GPAT3: variants seen among roughly 807,000 people sequenced by gnomAD.
GPAT3 encodes glycerol-3-phosphate acyltransferase 3.
GPAT3 carries 53 observed loss-of-function variants against 58.8 expected under a neutral mutation model. That is an observed-to-expected ratio of 0.90 (90% confidence interval 0.72 to 1.13). The LOEUF (loss-of-function observed/expected upper bound fraction) is 1.13. Among genes scored for constraint, GPAT3 ranks in the 50% most tolerant of loss-of-function variants. The probability of loss-of-function intolerance (pLI) is 0.00; values close to 1 mark genes in which losing one functional copy is unlikely to be tolerated. For missense variants in GPAT3, 511 were observed against 527.6 expected (o/e 0.97, Z 0.31); for synonymous variants, 197 against 187.4 (o/e 1.05, Z -0.42).
intron 2 of GPAT3, among the ~76,000 whole-genome samples, chr4:83,550,890 A>C (rs189495241): frequency 3.1e-4 from 47 of 152,366 alleles, no homozygotes; most frequent in Non-Finnish European, 1.6e-4. Flanking sequence ...TCACTAGAGT[A>C]CTGTGCATTT....
intron 2 of GPAT3, among the ~76,000 whole-genome samples, chr4:83,579,009 C>CT (rs1725950232): frequency 9.5e-6 from 1 of 105,600 alleles, no homozygotes; most frequent in Non-Finnish European, 1.8e-5. Context: ...TCCTTCCTTC[C>CT]TTCTTTCCCT....
chr4:83,602,202 C>T (rs1315279577), intron 11 of GPAT3, among the ~76,000 whole-genome samples: 2 of 152,130 alleles, frequency 1.3e-5, no homozygotes, highest in Middle Eastern at 3.2e-3. Flanking sequence ...ATCCTGAAGT[C>T]AGTGTCTGTA....
At chr4:83,544,479 G>A in intron 1 of GPAT3, 57 bp from the exon 2 acceptor site, 17 of 1,517,430 alleles carry the variant, frequency 1.1e-5, no homozygotes, top group Non-Finnish European at 1.5e-5. Context: ...CATGGTTGAA[G>A]TGTTTTATGT....
At chr4:83,576,045 T>C (rs143220935) in intron 2 of GPAT3, among the ~76,000 whole-genome samples, 39 of 152,382 alleles carry the variant, frequency 2.6e-4, no homozygotes, top group Non-Finnish European at 4.9e-4. Context: ...TCATACATAG[T>C]ATTTATTGTT....
chr4:83,596,660 T>A (rs1578199560), intron 7 of GPAT3, among the ~76,000 whole-genome samples, 198 bp from the exon 8 acceptor site: 3 of 152,194 alleles, frequency 2.0e-5, no homozygotes, highest in African/African-American at 7.2e-5. Flanking sequence ...TACTTTGAAA[T>A]TAGAGAAATT....
chr4:83,603,083 C>T (rs914356661), intron 11 of GPAT3, among the ~76,000 whole-genome samples: 16 of 152,162 alleles, frequency 1.1e-4, no homozygotes, highest in Admixed American at 5.9e-4. Flanking sequence ...GGCTAACCTA[C>T]GATCATTCAC....
intron 2 of GPAT3, among the ~76,000 whole-genome samples, chr4:83,574,105 A>T (rs111709197): frequency 1.3e-5 from 2 of 152,184 alleles, no homozygotes; most frequent in East Asian, 1.9e-4. Context: ...GCTCACACAG[A>T]CCACTTCAAT....
chr4:83,581,942 A>C, intron 3 of GPAT3, 110 bp downstream of exon 3: 2 of 1,415,084 alleles, frequency 1.4e-6, no homozygotes, highest in Non-Finnish European at 1.9e-6. Flanking sequence ...ACCCATTCCC[A>C]CGTAGGAAAT....
rs1053210028 is a variant in GPAT3, at chr4:83,581,027, C to T, written c.209-535C>T. On this transcript the variant is annotated intron_variant, in intron 2 of 11. Transcript: ENST00000264409. The stretch of plus-strand genomic sequence containing the variant: ...AGGAGATTGGCATGAACCCGGGAGG[C>T]GGAGCTTGCAGTAAGCTGAGATCAC... Among the ~76,000 whole-genome samples, 9 of 130,860 alleles carry T rather than the reference C, an allele frequency of 6.9e-5. No individual in the cohort carries two copies. The South Asian group carries it at 2.2e-3, about 33-fold the overall frequency. 85.8% of individuals were successfully genotyped at this position (130,860 alleles called of 152,430 possible).
intron 2 of GPAT3, among the ~76,000 whole-genome samples, chr4:83,581,065 C>T (rs112468454): frequency 0.022 from 2,828 of 128,362 alleles, 33 homozygotes; most frequent in Middle Eastern, 0.057. Context: ...CACTGCACTC[C>T]AGCCTGGGTG....
chr4:83,541,611 A>G (rs1047358397), intron 1 of GPAT3, among the ~76,000 whole-genome samples: 10 of 152,156 alleles, frequency 6.6e-5, no homozygotes, highest in African/African-American at 2.4e-4. Flanking sequence ...GATGGAATGC[A>G]TTCTGAAACT....
intron 2 of GPAT3, among the ~76,000 whole-genome samples, chr4:83,579,009 CTTCT>C (rs1725950419): frequency 1.9e-5 from 2 of 105,600 alleles, no homozygotes; most frequent in South Asian, 3.2e-4. Flanking sequence ...TCCTTCCTTC[CTTCT>C]TTCCCTTTCT....
chr4:83,559,737 A>AC (rs1725063765), intron 2 of GPAT3, among the ~76,000 whole-genome samples: 1 of 151,942 alleles, frequency 6.6e-6, no homozygotes, highest in African/African-American at 2.4e-5. Context: ...GGAATTTCCC[A>AC]TTTTTCTCTG....
rs1000228285 is a variant in GPAT3 at position 83,605,708 on chromosome 4, A to T, written c.*941A>T. ...ATTATCTTTTGGAAACTGAGCCTTAATTTTTTTTAGAGGGGGAAATAAGTT... is the reference window on the plus strand; with the variant it reads ...ATTATCTTTTGGAAACTGAGCCTTATTTTTTTTTAGAGGGGGAAATAAGTT... On this transcript the variant is annotated 3_prime_UTR_variant, in exon 12 of 12. Coordinates refer to ENST00000264409, the MANE Select transcript of GPAT3 (RefSeq NM_032717.5). The T allele has an allele frequency of 2.6e-5, 4 of 152,254 alleles. No homozygotes were observed. The highest frequency in any genetic ancestry group is 5.9e-5 in the Non-Finnish European group (4 of 67,940). The allele number at this position is 152,254 out of a possible 1,614,324, so 9.4% of individuals were successfully genotyped here.
At chr4:83,596,790 GA>G in intron 7 of GPAT3, 67 bp from the exon 8 acceptor site, 6 of 1,206,724 alleles carry the variant, frequency 5.0e-6, no homozygotes, top group Non-Finnish European at 7.4e-6. Flanking sequence ...AAAGTGCAAG[GA>G]ATATCAAAAA....
intron 6 of GPAT3, among the ~76,000 whole-genome samples, chr4:83,593,998 G>T (rs189370907): frequency 6.6e-6 from 1 of 152,042 alleles, no homozygotes; most frequent in Admixed American, 6.5e-5. Context: ...TCCTACTCTT[G>T]TAGGTTCATT....
chr4:83,598,298 T>G (rs1471155706), intron 10 of GPAT3, 119 bp downstream of exon 10: 2 of 1,306,492 alleles, frequency 1.5e-6, no homozygotes, highest in Admixed American at 2.7e-5. Context: ...ATGGGTCATT[T>G]TTTTAATGAT....
rs1727224265 is a variant in GPAT3, at chr4:83,605,606, A to C, written c.*839A>C. The stretch of plus-strand genomic sequence containing the variant: ...TGAATGAATGAGAGTGTGTGGAGCT[A>C]CCCCTCACCCTCCACCCCTTTGTGC... On this transcript the variant is annotated 3_prime_UTR_variant, in exon 12 of 12. Transcript: ENST00000264409. The C allele has an allele frequency of 6.6e-6, 1 of 151,972 alleles. No homozygotes were observed. Among genetic ancestry groups the C allele is most frequent in the South Asian group, 2.1e-4 (1 of 4,800 alleles). The allele number at this position is 151,972 out of a possible 1,614,324, so 9.4% of individuals were successfully genotyped here.
chr4:83,563,841 T>G (rs961334075), intron 2 of GPAT3, among the ~76,000 whole-genome samples: 4 of 152,344 alleles, frequency 2.6e-5, no homozygotes, highest in South Asian at 2.1e-4. Context: ...AACAGTATTC[T>G]GAGCCTTGTG....
Sources: gnomAD v4.1 joint callset for allele counts (sites outside exome capture counted in the v4.1 genomes callset) on GRCh38, gnomAD v4.1.1 for gene constraint, MANE v1.5 for transcripts, NCBI Gene and HGNC (gene_info 2026-07-23, HGNC 2026-07-21) for gene names.